The following IQGAP1 variants were observed in gnomAD, a reference collection of about 807,000 sequenced individuals.
IQGAP1 encodes the protein IQ motif containing GTPase activating protein 1.
A neutral mutation model predicts 215.6 loss-of-function variants in IQGAP1; 66 were observed. The observed-to-expected ratio is 0.31, with a 90% confidence interval of 0.25 to 0.38. IQGAP1 has a LOEUF of 0.38. IQGAP1 is among the 10% of genes least tolerant of loss of function. IQGAP1 has a pLI of 1.00. For missense variants in IQGAP1, 1,712 were observed against 1,997.1 expected, an observed-to-expected ratio of 0.86 and a Z score of 2.72; for synonymous variants, 772 against 728.7, an observed-to-expected ratio of 1.06 and a Z score of -0.96.
At chr15:90,398,728 C>T (rs1040210262) in intron 2 of IQGAP1, among the ~76,000 whole-genome samples, 8 of 152,036 alleles carry the variant, frequency 5.3e-5, no homozygotes, top group African/African-American at 7.2e-5. Context: ...CTTGGCTGGG[C>T]GCGGTGGCTC....
At chr15:90,406,671 C>T (rs896819910) in intron 2 of IQGAP1, among the ~76,000 whole-genome samples, 1 of 152,144 alleles carries the variant, frequency 6.6e-6, no homozygotes, top group Non-Finnish European at 1.5e-5. Context: ...TTGGGACTTA[C>T]TAGGGCGTCA....
Position 90,474,674 on chromosome 15 carries a change from A to G in IQGAP1, c.2765A>G (p.Lys922Arg). The change falls in exon 23 of 38, where the codon AAA (lysine) becomes AGA (arginine). Residue 922 changes from lysine to arginine, a missense_variant. By Grantham distance (26) the Lys-to-Arg change is conservative. This residue lies in a region of IQGAP1 where 691 missense variants were observed against 923.0 expected (regional missense o/e 0.75). Transcript: ENST00000268182. ...LMDIKIGLLV[K>R]NKITLQDVVS... is the part of the protein sequence containing the mutation. Reference sequence around the variant, plus strand: ...GATATCAAAATTGGACTGCTAGTGAAAAATAAGATTACGTTGCAGGTATGG... The same window carrying G: ...GATATCAAAATTGGACTGCTAGTGAGAAATAAGATTACGTTGCAGGTATGG... The G allele has an allele frequency of 6.2e-7, 1 of 1,613,760 alleles. No individual in the cohort carries two copies. The highest frequency in any genetic ancestry group is 8.5e-7 in the Non-Finnish European group (1 of 1,179,626).
rs984934102 is a variant in IQGAP1, at chr15:90,456,319, A to G, written c.1776+4A>G. 3.7e-6 allele frequency: 6 copies of G among 1,613,672 alleles called. No homozygotes were observed. The highest frequency in any genetic ancestry group is 4.2e-6 in the Non-Finnish European group (5 of 1,179,774). On this transcript the variant is annotated splice_donor_region_variant and intron_variant, in intron 15 of 37. Coordinates refer to ENST00000268182, the MANE Select transcript of IQGAP1 (RefSeq NM_003870.4). Reference sequence around the variant, plus strand: ...AGCGAAGAGAGAGAAAGCCCAGGTGAGTGGCATCGGAATTGTTCTTTATGT... The same window carrying G: ...AGCGAAGAGAGAGAAAGCCCAGGTGGGTGGCATCGGAATTGTTCTTTATGT...
intron 15 of IQGAP1, among the ~76,000 whole-genome samples, chr15:90,465,665 C>T (rs1445367618): frequency 7.5e-6 from 1 of 132,862 alleles, no homozygotes; most frequent in Non-Finnish European, 1.6e-5. Flanking sequence ...CATGCCTGGC[C>T]AAGCTATGTT....
chr15:90,494,732 G>A lies in IQGAP1; in HGVS notation c.4648G>A (p.Glu1550Lys). The A allele has an allele frequency of 6.2e-7, 1 of 1,609,544 alleles. No individual in the cohort carries two copies. Among genetic ancestry groups the A allele is most frequent in the South Asian group, 1.1e-5 (1 of 90,516 alleles). Residue 1550 changes from glutamate to lysine, a missense_variant, in exon 36 of 38, where the codon GAA (glutamate) becomes AAA (lysine). Physicochemically the swap from Glu to Lys is moderately conservative, Grantham distance 56. Transcript: ENST00000268182. ...TTACAGAGTCTCCAAAAAGCCTAGG[G>A]AAATGAAAGGAAAGAAAAGCAAAAA... ...SKGKVSKKPR[E>K]MKGKKSKKIS...
intron 33 of IQGAP1, among the ~76,000 whole-genome samples, chr15:90,488,758 A>G (rs1966163841): frequency 6.6e-6 from 1 of 151,946 alleles, no homozygotes; most frequent in Admixed American, 6.6e-5. Context: ...ATGTAAGACA[A>G]GAGAGGGCAT....
Position 90,440,620 on chromosome 15 carries a change from G to A in IQGAP1, c.649+5G>A. 1.3e-6 allele frequency: 2 copies of A among 1,548,144 alleles called. No homozygotes were observed. Among genetic ancestry groups the A allele is most frequent in the Non-Finnish European group, 8.8e-7 (1 of 1,142,558 alleles). ...TGTCAGTGGATGAAGCCGCATGTAA[G>A]AAGAGAGAAATTTTGTGGGTTCAAC... On this transcript the variant is annotated splice_donor_5th_base_variant and intron_variant, in intron 7 of 37. Coordinates refer to ENST00000268182, the MANE Select transcript of IQGAP1 (RefSeq NM_003870.4).
At chr15:90,398,236 A>G (rs568931092) in intron 2 of IQGAP1, among the ~76,000 whole-genome samples, 1 of 152,258 alleles carries the variant, frequency 6.6e-6, no homozygotes, top group African/African-American at 2.4e-5. Flanking sequence ...TTTAATGTGA[A>G]GATGACAGGA....
intron 5 of IQGAP1, 134 bp downstream of exon 5, chr15:90,433,929 ATTAT>A: frequency 2.0e-6 from 1 of 489,862 alleles, no homozygotes; most frequent in Non-Finnish European, 3.6e-6. Context: ...ATAAAATACT[ATTAT>A]CCGAACAAAA....
chr15:90,388,740 G>A (rs1033955048), intron 1 of IQGAP1, among the ~76,000 whole-genome samples: 11 of 152,222 alleles, frequency 7.2e-5, no homozygotes, highest in Non-Finnish European at 1.6e-4. Context: ...CGTGTCCCGG[G>A]GATTGGGGGT....
At chr15:90,474,263 A>G in intron 22 of IQGAP1, 130 bp downstream of exon 22, 1 of 869,874 alleles carries the variant, frequency 1.1e-6, no homozygotes, top group Admixed American at 2.8e-5. Context: ...CTGTGACATA[A>G]GCCCCTTTGC....
chr15:90,497,441 C>T, intron 37 of IQGAP1, 101 bp downstream of exon 37: 1 of 667,632 alleles, frequency 1.5e-6, no homozygotes, highest in Admixed American at 2.6e-5. Context: ...AAGCTGTCTA[C>T]ATTCAGCAGT....
chr15:90,397,052 C>T (rs1412958654), intron 2 of IQGAP1, among the ~76,000 whole-genome samples: 1 of 152,008 alleles, frequency 6.6e-6, no homozygotes, highest in Non-Finnish European at 1.5e-5. Flanking sequence ...GGGGTTTGAC[C>T]ATGTTGGCCA....
intron 3 of IQGAP1, among the ~76,000 whole-genome samples, chr15:90,428,340 G>T (rs1965255300): frequency 6.6e-6 from 1 of 152,122 alleles, no homozygotes; most frequent in African/African-American, 2.4e-5. Flanking sequence ...GCCTCTCAAA[G>T]TGCCAGGATT....
chr15:90,450,542 T>C (rs1965589272), intron 11 of IQGAP1, among the ~76,000 whole-genome samples: 1 of 151,832 alleles, frequency 6.6e-6, no homozygotes, highest in Non-Finnish European at 1.5e-5. Flanking sequence ...CTGTTTTCCG[T>C]AGCGGCTATA....
Position 90,483,427 on chromosome 15 carries a change from A to G in IQGAP1, c.3622A>G (p.Ile1208Val), listed in dbSNP as rs1231935131. 1 of 1,614,206 alleles carries G rather than the reference A, an allele frequency of 6.2e-7. No homozygotes were observed. Among genetic ancestry groups the G allele is most frequent in the Non-Finnish European group, 8.5e-7 (1 of 1,180,038 alleles). The change falls in exon 29 of 38, where the codon ATC becomes GTC. Residue 1208 changes from isoleucine (I) to valine (V), a missense_variant. By Grantham distance (29) the Ile-to-Val change is conservative. Transcript: ENST00000268182. Reference sequence around the variant, plus strand: ...CATTGTTGCTCCTGATGCCTTTGACATCATTGACCTGTCAGCAGGAGGCCA... The same window carrying G: ...CATTGTTGCTCCTGATGCCTTTGACGTCATTGACCTGTCAGCAGGAGGCCA... ...PAIVAPDAFD[I>V]IDLSAGGQLT...
intron 15 of IQGAP1, among the ~76,000 whole-genome samples, chr15:90,458,229 T>C (rs1448839587): frequency 2.0e-5 from 3 of 152,242 alleles, no homozygotes; most frequent in Non-Finnish European, 4.4e-5. Context: ...TAATATTCCA[T>C]TGTATGACTG....
chr15:90,491,112 T>C (rs987474707), intron 33 of IQGAP1, among the ~76,000 whole-genome samples: 7 of 152,086 alleles, frequency 4.6e-5, no homozygotes, highest in Non-Finnish European at 1.0e-4. Flanking sequence ...CCTAGCCCAG[T>C]TGTGTGATTT....
intron 19 of IQGAP1, 108 bp downstream of exon 19, chr15:90,473,118 T>C: frequency 1.0e-6 from 1 of 965,294 alleles, no homozygotes; most frequent in Non-Finnish European, 1.6e-6. Context: ...AGTGCTGGAC[T>C]CTTAGTCTTC....
Sources: allele counts gnomAD v4.1 joint callset (sites outside exome capture counted in the v4.1 genomes callset), GRCh38; gene constraint gnomAD v4.1.1; regional missense constraint gnomAD v4.1.1; transcripts MANE v1.5; gene names NCBI Gene and HGNC (gene_info 2026-07-23, HGNC 2026-07-21).